EPB41L5: variants seen among roughly 807,000 people sequenced by gnomAD.
EPB41L5 encodes erythrocyte membrane protein band 4.1 like 5, also known as band 4.1-like protein 5.
In EPB41L5, 55 loss-of-function variants were observed where a neutral mutation model predicts 106.6. The observed-to-expected ratio is 0.52, with a 90% CI of 0.42 to 0.65. EPB41L5 has a LOEUF of 0.65. Ranked by LOEUF, EPB41L5 falls within the 30% of genes least tolerant of loss-of-function variation. The probability of loss-of-function intolerance (pLI) is 0.00; values close to 1 mark genes in which losing one functional copy is unlikely to be tolerated. For synonymous variants in EPB41L5, 297 were observed against 306.7 expected (o/e 0.97, Z 0.33); for missense variants, 871 against 882.1 (o/e 0.99, Z 0.16).
At chr2:120,124,503 G>C (rs562154984) in intron 16 of EPB41L5, among the ~76,000 whole-genome samples, 26 of 152,116 alleles carry the variant, frequency 1.7e-4, no homozygotes, top group African/African-American at 6.0e-4. Context: ...TTCTTGGCTG[G>C]CTAATGAGAA....
intron 19 of EPB41L5, among the ~76,000 whole-genome samples, 174 bp downstream of exon 19, chr2:120,143,305 A>G (rs1036531099): frequency 1.3e-5 from 2 of 152,148 alleles, no homozygotes; most frequent in Non-Finnish European, 2.9e-5. Context: ...CCAAATTTGT[A>G]TAGAAGTGAG....
At chr2:120,100,619 AG>A in intron 15 of EPB41L5, 79 bp from the exon 16 acceptor site, 1 of 965,438 alleles carries the variant, frequency 1.0e-6, no homozygotes, top group Admixed American at 1.8e-5. Context: ...CTTTGTAAAT[AG>A]TACTCCATTT....
chr2:120,158,161 C>A (rs1161596509), intron 20 of EPB41L5, among the ~76,000 whole-genome samples: 2 of 152,102 alleles, frequency 1.3e-5, no homozygotes, highest in African/African-American at 4.8e-5. Context: ...TGAATTCTAC[C>A]CAATGTGCAA....
intron 20 of EPB41L5, among the ~76,000 whole-genome samples, chr2:120,146,964 T>C (rs1330699457): frequency 6.6e-6 from 1 of 152,212 alleles, no homozygotes; most frequent in Non-Finnish European, 1.5e-5. Context: ...GTATGCATAG[T>C]GTATAGCACT....
At chr2:120,075,071 A>C (rs1475269958) in intron 5 of EPB41L5, among the ~76,000 whole-genome samples, 1 of 151,854 alleles carries the variant, frequency 6.6e-6, no homozygotes, top group African/African-American at 2.4e-5. Context: ...CAAGTGATCC[A>C]CCCGCCTCGC....
chr2:120,104,025 T>C, intron 16 of EPB41L5: 2 of 1,492,960 alleles, frequency 1.3e-6, no homozygotes, highest in African/African-American at 2.8e-5. Context: ...TCCTATTGAC[T>C]AACTGTGCTC....
At chr2:120,066,866 C>G (rs1349156987) in intron 3 of EPB41L5, among the ~76,000 whole-genome samples, 2 of 152,180 alleles carry the variant, frequency 1.3e-5, no homozygotes, top group Non-Finnish European at 2.9e-5. Context: ...GTATTTGTGT[C>G]AGTTAAGTCT....
At chr2:120,062,599 T>A (rs751750755) in intron 3 of EPB41L5, among the ~76,000 whole-genome samples, 1 of 152,234 alleles carries the variant, frequency 6.6e-6, no homozygotes, top group Non-Finnish European at 1.5e-5. Context: ...GTATGTTTTC[T>A]TTTATCTAGA....
At chr2:120,072,681 C>T in intron 3 of EPB41L5, among the ~76,000 whole-genome samples, 1 of 152,116 alleles carries the variant, frequency 6.6e-6, no homozygotes, top group Non-Finnish European at 1.5e-5. Context: ...AACACAGGAA[C>T]AGAAAACCAA....
chr2:120,105,344 G>T, intron 16 of EPB41L5: 2 of 968,572 alleles, frequency 2.1e-6, no homozygotes, highest in Non-Finnish European at 2.5e-6. Flanking sequence ...TTTATATTTC[G>T]AAGAGTTTAT....
At chr2:120,104,203 T>C in intron 16 of EPB41L5, 1 of 1,535,914 alleles carries the variant, frequency 6.5e-7, no homozygotes, top group South Asian at 1.2e-5. Flanking sequence ...CGTCATGATG[T>C]TCATTTTCCT....
At chr2:120,020,095 A>G (rs1051006547) in intron 2 of EPB41L5, among the ~76,000 whole-genome samples, 25 of 152,146 alleles carry the variant, frequency 1.6e-4, no homozygotes, top group African/African-American at 5.8e-4. Context: ...TCTCTTTCTC[A>G]TGTCTTTGTT....
rs768452874 is a variant in EPB41L5 at position 120,090,451 on chromosome 2, A to T, written c.978A>T (p.Arg326=). 6 of 1,613,830 alleles carry T rather than the reference A, an allele frequency of 3.7e-6. No homozygotes were observed. The East Asian group carries it at 1.3e-4, about 36-fold the overall frequency. The stretch of plus-strand genomic sequence containing the variant: ...AGCATCATGCTTTCTTCCGCCTTCG[A>T]GGCCCCGTCCAAAAGAGTTCTCATC... ...AVEHHAFFRL[R]GPVQKSSHRS... The change falls in exon 12 of 25, where the codon CGA becomes CGT. Residue 326 remains arginine, a synonymous_variant. Coordinates refer to ENST00000263713, the MANE Select transcript of EPB41L5 (RefSeq NM_020909.4).
At chr2:120,103,268 A>G (rs1057182805) in intron 16 of EPB41L5, among the ~76,000 whole-genome samples, 1 of 152,162 alleles carries the variant, frequency 6.6e-6, no homozygotes, top group Non-Finnish European at 1.5e-5. Context: ...CTTTCTTTCT[A>G]CTGGAGGACT....
intron 20 of EPB41L5, among the ~76,000 whole-genome samples, chr2:120,157,038 A>G (rs1473835104): frequency 1.3e-5 from 2 of 152,232 alleles, no homozygotes; most frequent in Non-Finnish European, 2.9e-5. Flanking sequence ...ATAATCGAAC[A>G]TAGAGTATTC....
At chr2:120,133,067 A>G (rs1046830168) in intron 18 of EPB41L5, among the ~76,000 whole-genome samples, 1 of 152,092 alleles carries the variant, frequency 6.6e-6, no homozygotes, top group Non-Finnish European at 1.5e-5. Flanking sequence ...AGGAGAGTAA[A>G]GGAGCACTTT....
intron 2 of EPB41L5, among the ~76,000 whole-genome samples, chr2:120,030,498 T>C (rs1236699669): frequency 3.3e-5 from 5 of 152,154 alleles, no homozygotes; most frequent in Non-Finnish European, 7.4e-5. Flanking sequence ...TATGATTCCA[T>C]CTTCAACCTG....
chr2:120,058,294 A>G (rs1329895580), intron 3 of EPB41L5, among the ~76,000 whole-genome samples: 1 of 151,978 alleles, frequency 6.6e-6, no homozygotes, highest in Non-Finnish European at 1.5e-5. Flanking sequence ...CAAGTGATCC[A>G]CCCACCTCAG....
intron 3 of EPB41L5, among the ~76,000 whole-genome samples, chr2:120,055,080 G>A (rs184323570): frequency 7.2e-5 from 11 of 152,044 alleles, no homozygotes; most frequent in African/African-American, 2.7e-4. Context: ...TGGCAGGCTG[G>A]TCCCAAACTC....
Sources: allele counts gnomAD v4.1 joint callset (sites outside exome capture counted in the v4.1 genomes callset), GRCh38; gene constraint gnomAD v4.1.1; transcripts MANE v1.5; gene names NCBI Gene and HGNC (gene_info 2026-07-23, HGNC 2026-07-21).